The following EXOC4 variants were observed in gnomAD, a reference collection of about 807,000 sequenced individuals.
The protein encoded by EXOC4 is exocyst complex component 4.
A neutral mutation model predicts 107.2 loss-of-function variants in EXOC4; 71 were observed. The observed-to-expected ratio is 0.66, with a 90% confidence interval of 0.55 to 0.81. EXOC4 has a LOEUF of 0.81. EXOC4 is among the 30% of genes least tolerant of loss of function. The probability of loss-of-function intolerance (pLI) is 0.00; values close to 1 mark genes in which losing one functional copy is unlikely to be tolerated. For synonymous variants in EXOC4, 456 were observed against 441.2 expected, an observed-to-expected ratio of 1.03 and a Z score of -0.42; for missense variants, 1,108 against 1,189.6, an observed-to-expected ratio of 0.93 and a Z score of 1.01.
intron 9 of EXOC4, among the ~76,000 whole-genome samples, chr7:133,490,580 A>G (rs982299300): frequency 1.2e-4 from 18 of 152,168 alleles, no homozygotes; most frequent in Admixed American, 7.9e-4. Context: ...CACAACATGA[A>G]TCGGATATTT....
chr7:134,097,049 C>T, the EXOC4 span, among the ~76,000 whole-genome samples: 5 of 151,892 alleles, frequency 3.3e-5, 1 homozygote, highest in African/African-American at 1.2e-4. Context: ...GATATATACA[C>T]ATTAAAAAGA....
At chr7:133,962,310 T>C (rs1800965362) in intron 14 of EXOC4, among the ~76,000 whole-genome samples, 2 of 152,224 alleles carry the variant, frequency 1.3e-5, no homozygotes, top group Admixed American at 1.3e-4. Context: ...TTCTTGTTAG[T>C]GTAGTTTAAT....
At chr7:133,511,195 C>G (rs1301453924) in intron 9 of EXOC4, among the ~76,000 whole-genome samples, 1 of 152,068 alleles carries the variant, frequency 6.6e-6, no homozygotes, top group Non-Finnish European at 1.5e-5. Flanking sequence ...AAAGAAGAAG[C>G]ACACCAGTTT....
At chr7:133,386,077 T>C (rs1796719821) in intron 7 of EXOC4, among the ~76,000 whole-genome samples, 1 of 152,162 alleles carries the variant, frequency 6.6e-6, no homozygotes, top group Non-Finnish European at 1.5e-5. Flanking sequence ...ATATTTACTG[T>C]GTGGATTTCA....
chr7:133,592,103 C>G (rs546686330), intron 9 of EXOC4, among the ~76,000 whole-genome samples: 8 of 152,130 alleles, frequency 5.3e-5, no homozygotes, highest in Admixed American at 3.3e-4. Flanking sequence ...GCTCTCTTGC[C>G]CAGACTGGAG....
intron 14 of EXOC4, among the ~76,000 whole-genome samples, chr7:133,946,457 T>C (rs774898721): frequency 2.0e-5 from 3 of 152,242 alleles, no homozygotes; most frequent in Non-Finnish European, 4.4e-5. Flanking sequence ...TATATTTCCA[T>C]GTTGTGCTCA....
chr7:133,929,968 A>G (rs1800140450), intron 13 of EXOC4, among the ~76,000 whole-genome samples: 2 of 152,200 alleles, frequency 1.3e-5, no homozygotes, highest in African/African-American at 4.8e-5. Context: ...ATTCTTCAAG[A>G]GGAAATCATA....
intron 10 of EXOC4, among the ~76,000 whole-genome samples, chr7:133,778,393 C>A (rs1046523892): frequency 2.0e-5 from 3 of 152,104 alleles, no homozygotes; most frequent in African/African-American, 7.2e-5. Context: ...AGTTCGAGAC[C>A]AGCCTAGGCA....
Position 133,823,825 on chromosome 7 carries a change from CAT to C in EXOC4, c.1734+6298_1734+6299del, listed in dbSNP as rs1353272770. On this transcript the variant is annotated intron_variant, in intron 11 of 17. Transcript: ENST00000253861. Reference sequence around the variant, plus strand: ...AGCAAGACTGTCTCAAAAATACATACATATATATATATATATATTATATATAT... The same window carrying C: ...AGCAAGACTGTCTCAAAAATACATACATATATATATATATATTATATATAT... 4.1e-3 allele frequency among the ~76,000 whole-genome samples: 193 copies of C among 46,882 alleles called. 6 individuals are homozygous for C. Among genetic ancestry groups the C allele is most frequent in the African/African-American group, 0.016 (174 of 10,704 alleles). The allele number at this position is 46,882 out of a possible 152,430, so 30.8% of individuals were successfully genotyped here. A position where few individuals can be genotyped will look rare whatever the true frequency, so the allele number is the denominator to read the frequency against.
intron 10 of EXOC4, among the ~76,000 whole-genome samples, chr7:133,675,475 A>G (rs1440313323): frequency 3.3e-5 from 5 of 152,222 alleles, no homozygotes; most frequent in African/African-American, 7.2e-5. Flanking sequence ...GTTCCTTTAA[A>G]TAAATGGTCA....
At chr7:133,253,270 C>A in intron 1 of EXOC4, 83 bp downstream of exon 1, 1 of 1,499,204 alleles carries the variant, frequency 6.7e-7, no homozygotes, top group Non-Finnish European at 9.0e-7. Context: ...TTAGCTGGGT[C>A]CCACCCTGCT....
At chr7:133,541,468 G>T (rs1378969155) in intron 9 of EXOC4, among the ~76,000 whole-genome samples, 6 of 152,090 alleles carry the variant, frequency 3.9e-5, no homozygotes, top group African/African-American at 7.2e-5. Context: ...ATCCACCAAG[G>T]TATATTTGTT....
intron 9 of EXOC4, among the ~76,000 whole-genome samples, chr7:133,524,234 A>G (rs1800036104): frequency 1.5e-5 from 1 of 67,336 alleles, no homozygotes; most frequent in African/African-American, 6.0e-5. Flanking sequence ...TGGCTGCATA[A>G]ATGTCTTCTT....
chr7:133,579,515 A>G (rs544227796), intron 9 of EXOC4, among the ~76,000 whole-genome samples: 2 of 152,158 alleles, frequency 1.3e-5, no homozygotes, highest in Non-Finnish European at 2.9e-5. Flanking sequence ...TTTTAAGTGT[A>G]AAGTGTACAG....
intron 17 of EXOC4, among the ~76,000 whole-genome samples, chr7:134,040,080 G>T (rs1238714247): frequency 1.3e-5 from 2 of 152,108 alleles, no homozygotes; most frequent in Non-Finnish European, 2.9e-5. Flanking sequence ...TAGACTTGTT[G>T]ACTCTTTCTT....
chr7:133,381,856 G>A (rs1203442676), intron 7 of EXOC4, among the ~76,000 whole-genome samples: 1 of 152,080 alleles, frequency 6.6e-6, no homozygotes, highest in Non-Finnish European at 1.5e-5. Context: ...TCTTTGTGTT[G>A]GGTAAGTGGT....
rs117660003 is a variant in EXOC4 at position 133,444,167 on chromosome 7, G to C, written c.1183-31161G>C. Among the ~76,000 whole-genome samples the C allele has an allele frequency of 9.2e-5, 14 of 152,238 alleles. No homozygotes were observed. The East Asian group carries it at 2.7e-3, about 30-fold the overall frequency. On this transcript the variant is annotated intron_variant, in intron 7 of 17. Coordinates refer to ENST00000253861, the MANE Select transcript of EXOC4 (RefSeq NM_021807.4). ...CAGGAGAAGCCAAATTATAAAGTCAGCCTAGCTGACCAGAGGAATTTCAGT... is the reference window on the plus strand; with the variant it reads ...CAGGAGAAGCCAAATTATAAAGTCACCCTAGCTGACCAGAGGAATTTCAGT...
At chr7:134,047,686 A>G (rs973678129) in intron 17 of EXOC4, among the ~76,000 whole-genome samples, 1 of 146,966 alleles carries the variant, frequency 6.8e-6, no homozygotes. Context: ...CGTGTCCATC[A>G]CAAGGAGGTT....
intron 6 of EXOC4, among the ~76,000 whole-genome samples, chr7:133,367,678 C>G (rs923660913): frequency 6.6e-6 from 1 of 152,242 alleles, no homozygotes; most frequent in Admixed American, 6.5e-5. Context: ...AGAACTGTGT[C>G]CTTTGTTCTC....
Sources: allele counts gnomAD v4.1 joint callset (sites outside exome capture counted in the v4.1 genomes callset), GRCh38; gene constraint gnomAD v4.1.1; transcripts MANE v1.5; gene names NCBI Gene and HGNC (gene_info 2026-07-23, HGNC 2026-07-21).